Variants in SLC18B1 observed in about 807,000 individuals in gnomAD.
SLC18B1 encodes MFS-type transporter SLC18B1.
SLC18B1 carries 62 observed loss-of-function variants against 53.9 expected under a neutral mutation model. The ratio of observed to expected loss-of-function variants is 1.15; its 90% CI spans 0.94 to 1.42. The LOEUF (loss-of-function observed/expected upper bound fraction) is 1.42. Among genes scored for constraint, SLC18B1 ranks in the 40% most tolerant of loss-of-function variants. SLC18B1 has a pLI of 0.00. For synonymous variants in SLC18B1, 217 were observed against 200.9 expected (o/e 1.08, Z -0.68); for missense variants, 598 against 547.3 (o/e 1.09, Z -0.93).
At chr6:132,789,704 A>C (rs1352337593) in intron 4 of SLC18B1, 60 bp downstream of exon 4, 2 of 1,159,130 alleles carry the variant, frequency 1.7e-6, no homozygotes, top group Non-Finnish European at 2.6e-6. Flanking sequence ...TAACAATTTA[A>C]ACAGAAGATA....
At chr6:132,792,099 G>A (rs916880000) in intron 2 of SLC18B1, among the ~76,000 whole-genome samples, 1 of 150,850 alleles carries the variant, frequency 6.6e-6, no homozygotes, top group African/African-American at 2.5e-5. Context: ...GTGGTGGCAC[G>A]TGCCTGTAAT....
rs1475141449 is a variant in SLC18B1 at position 132,770,008 on chromosome 6, A to C, written c.*262T>G. The C allele has an allele frequency of 3.6e-6, 1 of 277,572 alleles. No homozygotes were observed. Among genetic ancestry groups the C allele is most frequent in the Non-Finnish European group, 6.7e-6 (1 of 149,322 alleles). 17.2% of individuals were successfully genotyped at this position (277,572 alleles called of 1,614,324 possible). ...GACAAGTTTGGTCATTTAAAAACTAAGTCTTGTTTTGTTTTGCTTGTTTTT... is the reference window on the plus strand; with the variant it reads ...GACAAGTTTGGTCATTTAAAAACTACGTCTTGTTTTGTTTTGCTTGTTTTT... On this transcript the variant is annotated 3_prime_UTR_variant, in exon 14 of 14. Coordinates refer to ENST00000275227, the MANE Select transcript of SLC18B1 (RefSeq NM_052831.3).
intron 2 of SLC18B1, among the ~76,000 whole-genome samples, chr6:132,793,026 C>T (rs58118376): frequency 1.4e-4 from 21 of 152,148 alleles, no homozygotes; most frequent in African/African-American, 4.6e-4. Context: ...GAGACTGAGG[C>T]GGGAGAATTG....
intron 8 of SLC18B1, 64 bp from the exon 9 acceptor site, chr6:132,774,377 C>T (rs1034050658): frequency 2.7e-5 from 34 of 1,245,232 alleles, no homozygotes; most frequent in Admixed American, 6.2e-5. Context: ...AATCAAACAA[C>T]GTAAAACATT....
intron 6 of SLC18B1, 84 bp from the exon 7 acceptor site, chr6:132,779,488 C>T (rs1245861470): frequency 1.4e-6 from 2 of 1,399,370 alleles, no homozygotes; most frequent in African/African-American, 2.9e-5. Flanking sequence ...ACTGGTAACA[C>T]CATCTTTATC....
At chr6:132,775,578 A>G (rs1781079091) in intron 8 of SLC18B1, among the ~76,000 whole-genome samples, 1 of 152,242 alleles carries the variant, frequency 6.6e-6, no homozygotes, top group Non-Finnish European at 1.5e-5. Context: ...TGCAAAATAT[A>G]AGCCCTAAAA....
At chr6:132,789,707 A>C (rs1453624042) in intron 4 of SLC18B1, 57 bp downstream of exon 4, 1 of 1,175,390 alleles carries the variant, frequency 8.5e-7, no homozygotes, top group Non-Finnish European at 1.3e-6. Flanking sequence ...CAATTTAAAC[A>C]GAAGATACAT....
chr6:132,779,021 C>T (rs755236175), intron 7 of SLC18B1, among the ~76,000 whole-genome samples: 13 of 152,154 alleles, frequency 8.5e-5, no homozygotes, highest in African/African-American at 4.8e-5. Context: ...TACAATGACA[C>T]GAGCAAGTTC....
chr6:132,785,897 C>CAAAAAAAAAAAAAAAAAGAAAA (rs1781356281), intron 5 of SLC18B1, among the ~76,000 whole-genome samples: 1 of 81,180 alleles, frequency 1.2e-5, no homozygotes. Flanking sequence ...CCTGTCTCTA[C>CAAAAAAAAAAAAAAAAAGAAAA]AAAAAAAAAA....
rs762551783 is a variant in SLC18B1, at chr6:132,771,086, T to A, written c.1204A>T (p.Ile402Phe). The change falls in exon 12 of 14, where the codon ATT (isoleucine) becomes TTT (phenylalanine). Residue 402 changes from isoleucine (I) to phenylalanine (F), a missense_variant. Ile to Phe is a conservative substitution (Grantham distance 21). Transcript: ENST00000275227. ...ATAGCTGCTGCCCATTCAAAACCAA[T>A]TTTCTCATACAGAAATCCACCCAGC... The part of the protein sequence containing the change: ...PTLGGFLYEK[I>F]GFEWAAAIQG... 6.2e-7 allele frequency: 1 copy of A among 1,614,004 alleles called. No individual in the cohort carries two copies. The highest frequency in any genetic ancestry group is 1.3e-5 in the African/African-American group (1 of 74,928).
At chr6:132,779,052 G>A (rs781252931) in intron 7 of SLC18B1, among the ~76,000 whole-genome samples, 23 of 152,188 alleles carry the variant, frequency 1.5e-4, no homozygotes, top group Non-Finnish European at 2.8e-4. Context: ...GGAAACCAAT[G>A]TTAAGGCCAC....
chr6:132,796,109 G>A (rs1384812324), intron 2 of SLC18B1, among the ~76,000 whole-genome samples: 3 of 152,024 alleles, frequency 2.0e-5, no homozygotes, highest in South Asian at 4.1e-4. Context: ...AGCACTTCGG[G>A]AGGCGGAGGC....
chr6:132,785,238 C>T (rs1781340474), intron 5 of SLC18B1, among the ~76,000 whole-genome samples: 1 of 151,952 alleles, frequency 6.6e-6, no homozygotes, highest in African/African-American at 2.4e-5. Flanking sequence ...GGGCTGGGCA[C>T]CTGCACAACT....
chr6:132,772,751 T>C (rs1052259537), intron 10 of SLC18B1, among the ~76,000 whole-genome samples: 18 of 152,198 alleles, frequency 1.2e-4, no homozygotes, highest in African/African-American at 1.7e-4. Context: ...ATTACTTACA[T>C]ACTGAGGCAT....
intron 1 of SLC18B1, among the ~76,000 whole-genome samples, chr6:132,797,652 G>T (rs930061504): frequency 2.6e-5 from 4 of 151,992 alleles, no homozygotes; most frequent in African/African-American, 7.2e-5. Context: ...AAAAAACAAA[G>T]ATTTCTAAGG....
chr6:132,788,382 G>A (rs558115826), intron 4 of SLC18B1, among the ~76,000 whole-genome samples: 1 of 151,626 alleles, frequency 6.6e-6, no homozygotes, highest in South Asian at 2.1e-4. Flanking sequence ...TTTTTTAAAA[G>A]AGTTGCTTTG....
In SLC18B1 at chr6:132,776,374, T is replaced by A; in HGVS notation, c.851A>T (p.Tyr284Phe). The change falls in exon 8 of 14, where the codon TAT becomes TTT. Residue 284 changes from tyrosine to phenylalanine, a missense_variant. By Grantham distance (22) the Tyr-to-Phe change is conservative. Coordinates refer to ENST00000275227, the MANE Select transcript of SLC18B1 (RefSeq NM_052831.3). ...ACCAAATAGTGGTGAAGAGATGGCATAGGACAGTGCCATACCCAGGAATAC... is the reference window on the plus strand; with the variant it reads ...ACCAAATAGTGGTGAAGAGATGGCAAAGGACAGTGCCATACCCAGGAATAC... ...GLVFLGMALS[Y>F]AISSPLFGLL... 2 of 1,613,752 alleles carry A rather than the reference T, an allele frequency of 1.2e-6. No individual in the cohort carries two copies.
chr6:132,787,828 C>T (rs1167629047), intron 4 of SLC18B1, among the ~76,000 whole-genome samples: 9 of 152,002 alleles, frequency 5.9e-5, no homozygotes, highest in Admixed American at 3.3e-4. Flanking sequence ...GCTGATATAA[C>T]TGGTCCCCCA....
chr6:132,798,375 G>T (rs1781753755), intron 1 of SLC18B1, 39 bp downstream of exon 1: 1 of 1,503,682 alleles, frequency 6.7e-7, no homozygotes, highest in South Asian at 1.3e-5. Flanking sequence ...GGAAGCCGCC[G>T]CTGGTCTCCG....
Sources: allele counts gnomAD v4.1 joint callset (sites outside exome capture counted in the v4.1 genomes callset), GRCh38; gene constraint gnomAD v4.1.1; transcripts MANE v1.5; gene names NCBI Gene and HGNC (gene_info 2026-07-23, HGNC 2026-07-21).